TCP1: variants seen among roughly 807,000 people sequenced by gnomAD.
TCP1 encodes the protein t-complex 1, also known as T-complex protein 1 subunit alpha.
TCP1 carries 6 observed loss-of-function variants against 54.7 expected under a neutral mutation model. That is an observed-to-expected ratio of 0.11 (90% confidence interval 0.06 to 0.22). TCP1 has a LOEUF of 0.22. TCP1 is among the 10% of genes least tolerant of loss of function. The probability of loss-of-function intolerance (pLI) is 1.00; values close to 1 mark genes in which losing one functional copy is unlikely to be tolerated. For missense variants in TCP1, 511 were observed against 678.2 expected (o/e 0.75, Z 2.74); for synonymous variants, 225 against 229.7 (o/e 0.98, Z 0.19).
chr6:159,787,078 T>TA (rs76955548), intron 3 of TCP1, among the ~76,000 whole-genome samples: 90 of 133,606 alleles, frequency 6.7e-4, no homozygotes, highest in African/African-American at 1.5e-3. Flanking sequence ...CCCTGTCTCT[T>TA]AAAAAAAAAA....
At chr6:159,789,196 C>G in intron 1 of TCP1, 1 of 564,882 alleles carries the variant, frequency 1.8e-6, no homozygotes, top group Non-Finnish European at 3.1e-6. Flanking sequence ...AAAACCCTGC[C>G]GCGCGCGGCG....
chr6:159,784,577 T>A (rs1780650276), intron 6 of TCP1, 89 bp downstream of exon 6: 1 of 1,400,436 alleles, frequency 7.1e-7, no homozygotes. Context: ...GTGCTGGGAT[T>A]ACAGGCATGA....
intron 4 of TCP1, 52 bp from the exon 5 acceptor site, chr6:159,785,548 C>T: frequency 7.3e-7 from 1 of 1,372,728 alleles, no homozygotes; most frequent in East Asian, 2.3e-5. Flanking sequence ...TACTCAAACT[C>T]TTTGCATTCA....
intron 7 of TCP1, among the ~76,000 whole-genome samples, chr6:159,781,317 C>T (rs1780571181): frequency 6.6e-6 from 1 of 152,156 alleles, no homozygotes; most frequent in South Asian, 2.1e-4. Flanking sequence ...ATTTGAATTA[C>T]TAATTGAGAA....
Position 159,784,830 on chromosome 6 carries a change from G to A in TCP1, c.506C>T (p.Ala169Val). ...KIIGINGDFF[A>V]NMVVDAVLAI... ...AAGTACAGCATCTACTACCATGTTA[G>A]CAAAGAAATCACCATTTCTACGCCA... is the stretch of plus-strand genomic sequence containing the variant. Residue 169 changes from alanine (A) to valine (V), a missense_variant, in exon 6 of 12, where the codon GCT becomes GTT. By Grantham distance (64) the Ala-to-Val change is moderately conservative. This residue lies in a region of TCP1 where 305 missense variants were observed against 352.8 expected (regional missense o/e 0.86). Coordinates refer to ENST00000321394, the MANE Select transcript of TCP1 (RefSeq NM_030752.3). 1 of 1,614,148 alleles carries A rather than the reference G, an allele frequency of 6.2e-7. No homozygotes were observed. The highest frequency in any genetic ancestry group is 8.5e-7 in the Non-Finnish European group (1 of 1,180,028).
Position 159,785,416 on chromosome 6 carries a change from T to C in TCP1, c.458A>G (p.Lys153Arg). ...LGRDCLINAA[K>R]TSMSSKIIGI... ...AATGATTTTGGAAGACATGGATGTCTTAGCAGCATTAATCAGGCAATCTCT... is the reference window on the plus strand; with the variant it reads ...AATGATTTTGGAAGACATGGATGTCCTAGCAGCATTAATCAGGCAATCTCT... Residue 153 changes from lysine to arginine, a missense_variant, in exon 5 of 12, where the codon AAG becomes AGG. Physicochemically the swap from Lys to Arg is conservative, Grantham distance 26. Around this residue, in one of 5 missense-constraint regions of TCP1, gnomAD observed 305 missense variants for 352.8 expected, o/e 0.86. Coordinates refer to ENST00000321394, the MANE Select transcript of TCP1 (RefSeq NM_030752.3). The C allele has an allele frequency of 6.2e-7, 1 of 1,612,932 alleles. No individual in the cohort carries two copies. The highest frequency in any genetic ancestry group is 8.5e-7 in the Non-Finnish European group (1 of 1,179,936).
At position 159,778,508 on chromosome 6, in the gene TCP1, C is replaced by A; in HGVS notation, c.*537G>T. On this transcript the variant is annotated 3_prime_UTR_variant, in exon 12 of 12. Transcript: ENST00000321394. ...TAAGATAGGCAGGGATGAATTTTCA[C>A]AAAGGTGTAAATTTATTCCTAAGCA... 1 of 861,534 alleles carries A rather than the reference C, an allele frequency of 1.2e-6. No homozygotes were observed. The highest frequency in any genetic ancestry group is 1.7e-6 in the Non-Finnish European group (1 of 593,004). 53.4% of individuals were successfully genotyped at this position (861,534 alleles called of 1,614,324 possible).
intron 3 of TCP1, among the ~76,000 whole-genome samples, chr6:159,787,227 CTG>C (rs1780721149): frequency 1.3e-5 from 2 of 152,288 alleles, no homozygotes; most frequent in Non-Finnish European, 2.9e-5. Context: ...GCACTTCAGA[CTG>C]TGCTACAGAT....
In TCP1 at chr6:159,779,833, A is replaced by G. The variant is rs758824728; in HGVS notation, c.1291-43T>C. On this transcript the variant is annotated intron_variant, in intron 10 of 11. Transcript: ENST00000321394. ...TTAGGTGACTTCACAAAAGGGAAAA[A>G]AAAAATTGAAGTCCACAGCTACTGC... 7 of 1,585,686 alleles carry G rather than the reference A, an allele frequency of 4.4e-6. No individual in the cohort carries two copies. The East Asian group carries it at 1.6e-4, about 35-fold the overall frequency.
At position 159,780,467 on chromosome 6, in the gene TCP1, T is replaced by C; in HGVS notation, c.1073A>G (p.Asp358Gly). ...AEEVVQERIC[D>G]DELILIKNTK... ...CTTTTTGATTAAGATCAGCTCATCATCACAAATTCTCTCCTGTACCACTTC... is the reference window on the plus strand; with the variant it reads ...CTTTTTGATTAAGATCAGCTCATCACCACAAATTCTCTCCTGTACCACTTC... Residue 358 changes from aspartate to glycine, a missense_variant, in exon 9 of 12, where the codon GAT becomes GGT. By Grantham distance (94) the Asp-to-Gly change is moderately conservative. Coordinates refer to ENST00000321394, the MANE Select transcript of TCP1 (RefSeq NM_030752.3). The C allele has an allele frequency of 6.2e-7, 1 of 1,614,070 alleles. No individual in the cohort carries two copies. The highest frequency in any genetic ancestry group is 8.5e-7 in the Non-Finnish European group (1 of 1,179,956).
At chr6:159,787,078 T>TAAAGAAAAAAAAA (rs1554269420) in intron 3 of TCP1, among the ~76,000 whole-genome samples, 3 of 133,616 alleles carry the variant, frequency 2.2e-5, no homozygotes, top group Non-Finnish European at 4.7e-5. Context: ...CCCTGTCTCT[T>TAAAGAAAAAAAAA]AAAAAAAAAA....
chr6:159,787,990 A>T, intron 2 of TCP1, 68 bp downstream of exon 2: 1 of 1,607,676 alleles, frequency 6.2e-7, no homozygotes. Context: ...AGTCAAAGAA[A>T]GAACATAGCA....
chr6:159,785,995 A>C lies in TCP1; in HGVS notation c.282T>G (p.Val94=). The C allele has an allele frequency of 6.2e-7, 1 of 1,612,962 alleles. No homozygotes were observed. The highest frequency in any genetic ancestry group is 8.5e-7 in the Non-Finnish European group (1 of 1,179,264). Residue 94 remains valine, a splice_region_variant and synonymous_variant, in exon 4 of 12, where the codon GTT becomes GTG. Transcript: ENST00000321394. ...TTTTTAGGAGTTCTGCTGCAATAATAACCTGTTGAGAAAACATTCACTGGT... is the reference window on the plus strand; with the variant it reads ...TTTTTAGGAGTTCTGCTGCAATAATCACCTGTTGAGAAAACATTCACTGGT... The part of the protein sequence containing the change: ...KEVGDGTTSV[V]IIAAELLKNA...
intron 11 of TCP1, 105 bp from the exon 12 acceptor site, chr6:159,779,366 TAG>T: frequency 8.8e-7 from 1 of 1,136,522 alleles, no homozygotes; most frequent in Non-Finnish European, 1.3e-6. Flanking sequence ...TAAATCAGAC[TAG>T]AGATCTTGTA....
intron 3 of TCP1, 41 bp downstream of exon 3, chr6:159,787,702 C>A: frequency 3.1e-6 from 5 of 1,588,968 alleles, no homozygotes; most frequent in South Asian, 2.3e-5. Context: ...GAAAGTCGGT[C>A]GTTTTTAGAA....
At chr6:159,782,350 T>G (rs1032022502) in intron 7 of TCP1, among the ~76,000 whole-genome samples, 5 of 152,170 alleles carry the variant, frequency 3.3e-5, no homozygotes, top group Non-Finnish European at 7.3e-5. Flanking sequence ...TATAAACTCA[T>G]GGTAAAAACT....
At chr6:159,787,082 A>AAAAAAAAG (rs1780717514) in intron 3 of TCP1, among the ~76,000 whole-genome samples, 4 of 104,968 alleles carry the variant, frequency 3.8e-5, no homozygotes, top group East Asian at 8.3e-4. Context: ...GTCTCTTAAA[A>AAAAAAAAG]AAAAAAAAAA....
intron 7 of TCP1, among the ~76,000 whole-genome samples, chr6:159,783,702 G>A (rs1409971307): frequency 2.0e-5 from 3 of 152,070 alleles, no homozygotes; most frequent in Non-Finnish European, 4.4e-5. Flanking sequence ...ATACTGCTGA[G>A]TTCTGTACTG....
chr6:159,787,740 T>C lies in TCP1; in HGVS notation c.279+3A>G. The C allele has an allele frequency of 6.2e-7, 1 of 1,608,676 alleles. No homozygotes were observed. Among genetic ancestry groups the C allele is most frequent in the Non-Finnish European group, 8.5e-7 (1 of 1,177,436 alleles). On this transcript the variant is annotated splice_donor_region_variant and intron_variant, in intron 3 of 11. Coordinates refer to ENST00000321394, the MANE Select transcript of TCP1 (RefSeq NM_030752.3). Reference sequence around the variant, plus strand: ...ATGATCATTCTTTAGCCAGTCTACCTACCACTGAAGTAGTTCCATCTCCAA... The same window carrying C: ...ATGATCATTCTTTAGCCAGTCTACCCACCACTGAAGTAGTTCCATCTCCAA...
Sources: gnomAD v4.1 joint callset for allele counts (sites outside exome capture counted in the v4.1 genomes callset) on GRCh38, gnomAD v4.1.1 for gene constraint, gnomAD v4.1.1 regional missense constraint, MANE v1.5 for transcripts, NCBI Gene and HGNC (gene_info 2026-07-23, HGNC 2026-07-21) for gene names.